The following AEBP1 variants were observed in gnomAD, a reference collection of about 807,000 sequenced individuals.
AEBP1 encodes adipocyte enhancer-binding protein 1.
AEBP1 carries 69 observed loss-of-function variants against 116.5 expected under a neutral mutation model. The ratio of observed to expected loss-of-function variants is 0.59; its 90% CI spans 0.49 to 0.72. The LOEUF is 0.72. Ranked by LOEUF, AEBP1 falls within the 30% of genes least tolerant of loss-of-function variation. The pLI is 0.00. For missense variants in AEBP1, 1,444 were observed against 1,557.5 expected, an observed-to-expected ratio of 0.93 and a Z score of 1.23; for synonymous variants, 627 against 627.3, an observed-to-expected ratio of 1.00 and a Z score of 0.01.
Position 44,104,734 on chromosome 7 carries a change from G to T in AEBP1, c.69G>T (p.Gly23=). Residue 23 remains glycine, a synonymous_variant, in exon 1 of 21, where the codon GGG becomes GGT. Transcript: ENST00000223357. ...CGTTGCTGGCCCTGTGCCCTGGAGG[G>T]CGCCCGCAGACGGTGCTGACCGACG... ...LLALLALCPG[G]RPQTVLTDDE... The T allele has an allele frequency of 6.2e-7, 1 of 1,611,232 alleles. No homozygotes were observed.
In AEBP1 at chr7:44,114,461, G is replaced by C; in HGVS notation, c.*200G>C. On this transcript the variant is annotated 3_prime_UTR_variant, in exon 21 of 21. Transcript: ENST00000223357. ...AGCCAGAGGCTGTGTAGAGGCTCCT[G>C]CTCCACCTGCCAGTCTCGTAAGAGA... 1 of 657,336 alleles carries C rather than the reference G, an allele frequency of 1.5e-6. No homozygotes were observed. The highest frequency in any genetic ancestry group is 2.6e-6 in the Non-Finnish European group (1 of 390,104). The allele number at this position is 657,336 out of a possible 1,614,324, so 40.7% of individuals were successfully genotyped here. A position where few individuals can be genotyped will look rare whatever the true frequency, so the allele number is the denominator to read the frequency against.
rs1037134534 is a variant in AEBP1 at position 44,108,319 on chromosome 7, C to T, written c.940+235C>T. 3.3e-5 allele frequency among the ~76,000 whole-genome samples: 5 copies of T among 152,124 alleles called. No individual in the cohort carries two copies. Among genetic ancestry groups the T allele is most frequent in the African/African-American group, 1.2e-4 (5 of 41,418 alleles). On this transcript the variant is annotated intron_variant, in intron 6 of 20. Coordinates refer to ENST00000223357, the MANE Select transcript of AEBP1 (RefSeq NM_001129.5). This position sits in a 1 kb window ranked among gnomAD's most constrained non-coding sequence, Gnocchi z 5.0. ...CTGGTTCCTGCTTGGCTGTGACCCC[C>T]ACAGGGGTGTCCCTAGGCACACACT...
chr7:44,114,532 G>A lies in AEBP1; in HGVS notation c.*271G>A, dbSNP rs2096234820. The A allele has an allele frequency of 1.6e-6, 1 of 618,416 alleles. No homozygotes were observed. 38.3% of individuals were successfully genotyped at this position (618,416 alleles called of 1,614,324 possible). On this transcript the variant is annotated 3_prime_UTR_variant, in exon 21 of 21. Transcript: ENST00000223357. ...AGTAGGGGCAGAGGGAGGGAGCCAAGGTCACTCCAATAAAACAAGCTCATG... is the reference window on the plus strand; with the variant it reads ...AGTAGGGGCAGAGGGAGGGAGCCAAAGTCACTCCAATAAAACAAGCTCATG...
chr7:44,109,364 T>C, intron 9 of AEBP1, 23 bp downstream of exon 9: 2 of 683,824 alleles, frequency 2.9e-6, no homozygotes, highest in Non-Finnish European at 4.0e-6. Context: ...CACAAGGGGG[T>C]GAGGGTGGGG....
At chr7:44,106,950 G>C in intron 2 of AEBP1, 63 bp downstream of exon 2, 2 of 1,314,808 alleles carry the variant, frequency 1.5e-6, no homozygotes, top group Non-Finnish European at 2.1e-6. Flanking sequence ...GAGGCAGGGA[G>C]TGGGAGGCAG....
chr7:44,111,183 G>C lies in AEBP1; in HGVS notation c.1660G>C (p.Val554Leu). 1 of 1,520,072 alleles carries C rather than the reference G, an allele frequency of 6.6e-7. No individual in the cohort carries two copies. Among genetic ancestry groups the C allele is most frequent in the Non-Finnish European group, 8.8e-7 (1 of 1,133,178 alleles). The allele number at this position is 1,520,072 out of a possible 1,614,324, so 94.2% of individuals were successfully genotyped here. The change falls in exon 14 of 21, where the codon GTG becomes CTG. Residue 554 changes from valine (V) to leucine (L), a missense_variant. Val to Leu is a conservative substitution (Grantham distance 32). Transcript: ENST00000223357. This position sits in a 1 kb window ranked among gnomAD's most constrained non-coding sequence, Gnocchi z 4.7. ...CTACAGCTACTACGCACAGAATGAG[G>C]TGGTGGCCACCGATGACCTGGATTT... ...PVYSYYAQNE[V>L]VATDDLDFRH...
In AEBP1 at chr7:44,108,066, A is replaced by T. The variant is rs2096225015; in HGVS notation, c.922A>T (p.Ile308Phe). 6.2e-7 allele frequency: 1 copy of T among 1,601,894 alleles called. No homozygotes were observed. Among genetic ancestry groups the T allele is most frequent in the African/African-American group, 1.3e-5 (1 of 74,238 alleles). ...CCCTGACTATGGTGATGGTTACGTG[A>T]TCCCCAACTACGATGACAGTGAGTA... ...LPPDYGDGYV[I>F]PNYDDMDYYF... Residue 308 changes from isoleucine (I) to phenylalanine (F), a missense_variant, in exon 6 of 21, where the codon ATC becomes TTC. Transcript: ENST00000223357. The surrounding 1 kb of genome is among the most constrained non-coding windows in gnomAD (Gnocchi z 5.0).
In AEBP1 at chr7:44,107,969, G is replaced by GT. The variant is rs1256098245; in HGVS notation, c.862+38_863-37insT. 7.0e-7 allele frequency: 1 copy of GT among 1,421,210 alleles called. No homozygotes were observed. Among genetic ancestry groups the GT allele is most frequent in the South Asian group, 1.2e-5 (1 of 81,696 alleles). The allele number at this position is 1,421,210 out of a possible 1,614,324, so 88.0% of individuals were successfully genotyped here. ...GCAGGAGAGGAGGTGCCATGGCCAC[G>GT]GCGCTCTGGCCCCCTCCTAACCTCC... On this transcript the variant is annotated intron_variant, in intron 5 of 20. Transcript: ENST00000223357. The surrounding 1 kb of genome is among the most constrained non-coding windows in gnomAD (Gnocchi z 4.3).
chr7:44,110,850 C>T (rs2096228555), intron 12 of AEBP1, 41 bp downstream of exon 12: 3 of 1,609,770 alleles, frequency 1.9e-6, no homozygotes, highest in Non-Finnish European at 2.5e-6. Context: ...CTCCCATTGT[C>T]TGGGCGAGGG....
chr7:44,109,489 G>A, intron 9 of AEBP1, 148 bp downstream of exon 9: 1 of 1,007,172 alleles, frequency 9.9e-7, no homozygotes, highest in East Asian at 2.6e-5. Context: ...GGGGCCCCGG[G>A]AGCCCAGGAT....
rs1287152567 is a variant in AEBP1, at chr7:44,114,124, G to A, written c.3340G>A (p.Glu1114Lys). The change falls in exon 21 of 21, where the codon GAG (glutamate) becomes AAG (lysine). Residue 1114 changes from glutamate (E) to lysine (K), a missense_variant. Glu to Lys is a moderately conservative substitution (Grantham distance 56). Coordinates refer to ENST00000223357, the MANE Select transcript of AEBP1 (RefSeq NM_001129.5). ...GGAGCCCGAGTTTGAGACCCAGTTG[G>A]AGCCTGAGTTTGAGACCCAGCTGGA... ...KVEPEFETQL[E>K]PEFETQLEPE... 1 of 1,614,120 alleles carries A rather than the reference G, an allele frequency of 6.2e-7. No homozygotes were observed. The highest frequency in any genetic ancestry group is 2.2e-5 in the East Asian group (1 of 44,886).
In AEBP1 at chr7:44,112,405, A is replaced by G; in HGVS notation, c.2217+84A>G. 1 of 1,463,612 alleles carries G rather than the reference A, an allele frequency of 6.8e-7. No homozygotes were observed. The highest frequency in any genetic ancestry group is 9.1e-7 in the Non-Finnish European group (1 of 1,094,412). The allele number at this position is 1,463,612 out of a possible 1,614,324, so 90.7% of individuals were successfully genotyped here. On this transcript the variant is annotated intron_variant, in intron 17 of 20. Coordinates refer to ENST00000223357, the MANE Select transcript of AEBP1 (RefSeq NM_001129.5). The surrounding 1 kb of genome is among the most constrained non-coding windows in gnomAD (Gnocchi z 6.6). ...TGTTCTGGGCTTGGGGGTGGGGCTGACGGTGCCTGAACTCCAGACGCTGAG... is the reference window on the plus strand; with the variant it reads ...TGTTCTGGGCTTGGGGGTGGGGCTGGCGGTGCCTGAACTCCAGACGCTGAG...
At chr7:44,109,041 C>A (rs1258198294) in intron 7 of AEBP1, 65 bp downstream of exon 7, 1 of 1,610,068 alleles carries the variant, frequency 6.2e-7, no homozygotes. Context: ...CCTGCCTGAT[C>A]CACCCCACAT....
At position 44,107,561 on chromosome 7, in the gene AEBP1, G is replaced by A. The variant is rs747152934; in HGVS notation, c.667+51G>A. On this transcript the variant is annotated intron_variant, in intron 3 of 20. Coordinates refer to ENST00000223357, the MANE Select transcript of AEBP1 (RefSeq NM_001129.5). The surrounding 1 kb of genome is among the most constrained non-coding windows in gnomAD (Gnocchi z 4.3). ...TTGGGGCCAGCTGCCCTGGCTGGTT[G>A]GACTGAGGGCTTCCCCAGAGTAGGC... 1.4e-5 allele frequency: 22 copies of A among 1,613,042 alleles called. No homozygotes were observed. The highest frequency in any genetic ancestry group is 1.9e-5 in the Non-Finnish European group (22 of 1,179,732).
Position 44,114,013 on chromosome 7 carries a change from G to A in AEBP1, c.3229G>A (p.Gly1077Ser), listed in dbSNP as rs1159805054. ...GGGCCTCATACCGCCAACCACCGCT[G>A]GCTGGGAGGAGTCGGAGACTGAGAC... ...PWGLIPPTTA[G>S]WEESETETYT... Residue 1077 changes from glycine (G) to serine (S), a missense_variant, in exon 21 of 21, where the codon GGC (glycine) becomes AGC (serine). By Grantham distance (56) the Gly-to-Ser change is moderately conservative (BLOSUM62 0). Transcript: ENST00000223357. 6.2e-7 allele frequency: 1 copy of A among 1,607,758 alleles called. No individual in the cohort carries two copies.
Position 44,106,658 on chromosome 7 carries a change from G to A in AEBP1, c.366G>A (p.Glu122=), listed in dbSNP as rs1262661009. 6.2e-7 allele frequency: 1 copy of A among 1,612,964 alleles called. No individual in the cohort carries two copies. The highest frequency in any genetic ancestry group is 1.7e-5 in the Admixed American group (1 of 59,868). ...CCAGGCCGCCCAAGAAGGGGAAGGA[G>A]AAGCCACCCAAGGCCACCAAGAAGC... ...GSPRPPKKGK[E]KPPKATKKPK... Residue 122 remains glutamate (E), a synonymous_variant, in exon 2 of 21, where the codon GAG becomes GAA. Transcript: ENST00000223357.
rs1446756509 is a variant in AEBP1 at position 44,108,209 on chromosome 7, CGCTGTCCCT to C, written c.940+137_940+145del. 2.2e-6 allele frequency: 2 copies of C among 929,654 alleles called. No individual in the cohort carries two copies. The highest frequency in any genetic ancestry group is 1.6e-5 in the African/African-American group (1 of 61,408). 57.6% of individuals were successfully genotyped at this position (929,654 alleles called of 1,614,324 possible). On this transcript the variant is annotated intron_variant, in intron 6 of 20. Transcript: ENST00000223357. This position sits in a 1 kb window ranked among gnomAD's most constrained non-coding sequence, Gnocchi z 5.0. ...ACCCCACCTGTGCCCGTGGTTACCT[CGCTGTCCCT>C]GCTGTCCCTGCGTGCCCACCCCAGC...
chr7:44,104,918 G>C lies in AEBP1; in HGVS notation c.253G>C (p.Val85Leu). 6.5e-7 allele frequency: 1 copy of C among 1,540,850 alleles called. No individual in the cohort carries two copies. The highest frequency in any genetic ancestry group is 1.2e-5 in the South Asian group (1 of 83,950). The change falls in exon 1 of 21, where the codon GTG (valine) becomes CTG (leucine). Residue 85 changes from valine (V) to leucine (L), a missense_variant and splice_region_variant. Coordinates refer to ENST00000223357, the MANE Select transcript of AEBP1 (RefSeq NM_001129.5). ...PGKRPGTAAE[V>L]PPEKTKDKGK... The stretch of plus-strand genomic sequence containing the variant: ...GAAGCGGCCAGGGACGGCCGCAGAA[G>C]GTAAGAGCCCAGGGCAGGGCGGGGG...
intron 2 of AEBP1, 84 bp downstream of exon 2, chr7:44,106,971 C>A: frequency 1.9e-6 from 2 of 1,068,216 alleles, no homozygotes; most frequent in Non-Finnish European, 2.7e-6. Context: ...GTTTCTGGGG[C>A]CCTGCTTCCT....
Sources: gnomAD v4.1 joint callset for allele counts (sites outside exome capture counted in the v4.1 genomes callset) on GRCh38, gnomAD v4.1.1 for gene constraint, Gnocchi (gnomAD v3.1) non-coding constraint, MANE v1.5 for transcripts, NCBI Gene and HGNC (gene_info 2026-07-23, HGNC 2026-07-21) for gene names.